Variants in PDCD10 observed in about 807,000 individuals in gnomAD.
PDCD10 encodes the protein programmed cell death 10, also known as programmed cell death protein 10.
Under a neutral mutation model 29.2 loss-of-function variants are expected in PDCD10, and 4 were observed. The observed-to-expected ratio is 0.14, with a 90% CI of 0.07 to 0.31. The LOEUF (loss-of-function observed/expected upper bound fraction) is 0.31. PDCD10 is among the 10% of genes least tolerant of loss of function. PDCD10 has a pLI of 1.00. For synonymous variants in PDCD10, 70 were observed against 82.2 expected, an observed-to-expected ratio of 0.85 and a Z score of 0.80; for missense variants, 183 against 257.9, an observed-to-expected ratio of 0.71 and a Z score of 1.99.
chr3:167,697,932 C>T (rs1444112975), intron 4 of PDCD10: 2 of 456,600 alleles, frequency 4.4e-6, no homozygotes, highest in East Asian at 6.9e-5. Context: ...CTGTAGGATG[C>T]CTGCCAATTT....
intron 4 of PDCD10, 63 bp downstream of exon 4, chr3:167,704,779 C>A (rs1470943274): frequency 3.6e-6 from 4 of 1,112,124 alleles, no homozygotes; most frequent in Middle Eastern, 2.0e-4. Flanking sequence ...GCAACCATCA[C>A]ATGTACTTAC....
intron 4 of PDCD10, among the ~76,000 whole-genome samples, chr3:167,700,182 G>T (rs1721246488): frequency 6.6e-6 from 1 of 152,102 alleles, no homozygotes; most frequent in African/African-American, 2.4e-5. Flanking sequence ...TGTTGCTATT[G>T]CAGTCAGTTC....
chr3:167,707,928 A>G (rs1722150635), intron 3 of PDCD10, among the ~76,000 whole-genome samples: 1 of 152,154 alleles, frequency 6.6e-6, no homozygotes, highest in Non-Finnish European at 1.5e-5. Context: ...GGTTTGTAAC[A>G]TACTTCATCT....
intron 3 of PDCD10, among the ~76,000 whole-genome samples, chr3:167,717,715 C>T (rs1723157784): frequency 6.6e-6 from 1 of 152,008 alleles, no homozygotes; most frequent in African/African-American, 2.4e-5. Context: ...ATTTCATCTC[C>T]ATATCAAAGA....
intron 3 of PDCD10, among the ~76,000 whole-genome samples, chr3:167,712,712 A>C (rs185729684): frequency 2.0e-5 from 3 of 152,192 alleles, no homozygotes; most frequent in Non-Finnish European, 4.4e-5. Context: ...TGCCTACGAG[A>C]AACACATTTC....
intron 4 of PDCD10, among the ~76,000 whole-genome samples, chr3:167,699,166 A>C (rs1484249217): frequency 6.6e-6 from 1 of 152,170 alleles, no homozygotes; most frequent in Non-Finnish European, 1.5e-5. Context: ...CTTAGATTGG[A>C]CCTTGCCCCT....
chr3:167,710,609 T>C (rs1722432031), intron 3 of PDCD10, among the ~76,000 whole-genome samples: 1 of 152,220 alleles, frequency 6.6e-6, no homozygotes, highest in South Asian at 2.1e-4. Flanking sequence ...CTCCAGACCA[T>C]CTGGGGCCTG....
At chr3:167,689,358 G>A (rs1719970577) in intron 6 of PDCD10, among the ~76,000 whole-genome samples, 1 of 152,160 alleles carries the variant, frequency 6.6e-6, no homozygotes, top group Non-Finnish European at 1.5e-5. Flanking sequence ...CCACAATGGA[G>A]TTATTTAAAA....
intron 8 of PDCD10, 98 bp downstream of exon 8, chr3:167,687,136 T>C (rs1719710446): frequency 3.0e-6 from 2 of 664,654 alleles, no homozygotes; most frequent in Admixed American, 2.6e-5. Context: ...GGAGTACTAA[T>C]AATAAAATAA....
At chr3:167,717,791 A>G (rs1723165575) in intron 3 of PDCD10, among the ~76,000 whole-genome samples, 1 of 152,090 alleles carries the variant, frequency 6.6e-6, no homozygotes. Context: ...CTTTGAATAC[A>G]TGACAGAAAT....
At chr3:167,713,053 A>G (rs1233758297) in intron 3 of PDCD10, among the ~76,000 whole-genome samples, 1 of 152,148 alleles carries the variant, frequency 6.6e-6, no homozygotes, top group Non-Finnish European at 1.5e-5. Flanking sequence ...TCTTTCAGAC[A>G]GAAAATCAAC....
chr3:167,713,188 G>C (rs986064160), intron 3 of PDCD10, among the ~76,000 whole-genome samples: 1 of 152,010 alleles, frequency 6.6e-6, no homozygotes, highest in African/African-American at 2.4e-5. Flanking sequence ...CAGATCATAT[G>C]TTAGGTCACA....
intron 3 of PDCD10, 60 bp downstream of exon 3, chr3:167,720,002 A>T: frequency 9.5e-7 from 1 of 1,049,200 alleles, no homozygotes; most frequent in Non-Finnish European, 1.5e-6. Flanking sequence ...GCAGACGAAT[A>T]AATAAAGCAG....
At chr3:167,691,401 AG>A (rs1720216900) in intron 6 of PDCD10, among the ~76,000 whole-genome samples, 1 of 152,242 alleles carries the variant, frequency 6.6e-6, no homozygotes, top group South Asian at 2.1e-4. Context: ...TCTAGAAAAC[AG>A]AACTGAAGTA....
In PDCD10 at chr3:167,725,249, T is replaced by A. The variant is rs559618082; in HGVS notation, c.-116-4976A>T. Among the ~76,000 whole-genome samples the A allele has an allele frequency of 2.8e-3, 340 of 123,504 alleles. 2 individuals carry two copies. Among genetic ancestry groups the A allele is most frequent in the African/African-American group, 0.01 (321 of 30,690 alleles). The allele number at this position is 123,504 out of a possible 152,430, so 81.0% of individuals were successfully genotyped here. On this transcript the variant is annotated intron_variant, in intron 2 of 8. Transcript: ENST00000392750. ...TCCAGCCTGGGCAACAGAGCGAGAC[T>A]CTGTCTCAAAAAAGAAAAAAAAAAA...
intron 4 of PDCD10, among the ~76,000 whole-genome samples, chr3:167,700,986 T>C (rs180847985): frequency 2.0e-5 from 3 of 152,302 alleles, no homozygotes; most frequent in Admixed American, 6.5e-5. Flanking sequence ...CAGGAAGAGA[T>C]AGGACAACTC....
chr3:167,701,554 C>T (rs933246462), intron 4 of PDCD10, among the ~76,000 whole-genome samples: 1 of 152,108 alleles, frequency 6.6e-6, no homozygotes, highest in Non-Finnish European at 1.5e-5. Context: ...CCTTGCTTCC[C>T]AGAACCCCAT....
intron 3 of PDCD10, among the ~76,000 whole-genome samples, chr3:167,710,915 G>T (rs988034395): frequency 2.0e-5 from 3 of 152,190 alleles, no homozygotes; most frequent in African/African-American, 7.2e-5. Context: ...CTCTGCCTGG[G>T]AATCCAGAGA....
At chr3:167,685,014 T>C (rs531507413) in intron 8 of PDCD10, among the ~76,000 whole-genome samples, 1 of 152,180 alleles carries the variant, frequency 6.6e-6, no homozygotes, top group African/African-American at 2.4e-5. Flanking sequence ...CTCATCTTCA[T>C]GCAGCTGGGA....
Sources: gnomAD v4.1 joint callset for allele counts (sites outside exome capture counted in the v4.1 genomes callset) on GRCh38, gnomAD v4.1.1 for gene constraint, MANE v1.5 for transcripts, NCBI Gene and HGNC (gene_info 2026-07-23, HGNC 2026-07-21) for gene names.